The following SLC25A21 variants were observed in gnomAD, a reference collection of about 807,000 sequenced individuals.
The protein encoded by SLC25A21 is solute carrier family 25 member 21, also known as mitochondrial 2-oxodicarboxylate carrier.
Under a neutral mutation model 43.8 loss-of-function variants are expected in SLC25A21, and 47 were observed. The ratio of observed to expected loss-of-function variants is 1.07; its 90% confidence interval spans 0.85 to 1.37. SLC25A21 has a LOEUF of 1.37. Ranked by LOEUF, SLC25A21 falls within the 40% of genes most tolerant of loss-of-function variation. SLC25A21 has a pLI of 0.00. For missense variants in SLC25A21, 352 were observed against 350.2 expected (o/e 1.00, Z -0.04); for synonymous variants, 131 against 121.3 (o/e 1.08, Z -0.52).
At chr14:36,986,742 C>T (rs1186313886) in intron 1 of SLC25A21, among the ~76,000 whole-genome samples, 4 of 152,002 alleles carry the variant, frequency 2.6e-5, no homozygotes, top group African/African-American at 9.7e-5. Context: ...GTGGGGTGTT[C>T]ATTTTTTTTA....
chr14:36,740,382 T>G (rs1885205011), intron 3 of SLC25A21, among the ~76,000 whole-genome samples: 1 of 152,002 alleles, frequency 6.6e-6, no homozygotes, highest in Non-Finnish European at 1.5e-5. Context: ...GTACCAGGAC[T>G]CCAAAGCCAC....
chr14:36,966,102 C>G (rs1959609674), intron 1 of SLC25A21, among the ~76,000 whole-genome samples: 1 of 152,156 alleles, frequency 6.6e-6, no homozygotes, highest in South Asian at 2.1e-4. Context: ...AAGAAACACA[C>G]AGTGGAAATT....
chr14:37,095,323 GC>G (rs548277255), intron 1 of SLC25A21, among the ~76,000 whole-genome samples: 3 of 152,188 alleles, frequency 2.0e-5, no homozygotes, highest in Admixed American at 1.3e-4. Context: ...CTCGAGACCA[GC>G]CTGGCCAACA....
At chr14:36,912,538 G>C (rs1891717265) in intron 1 of SLC25A21, among the ~76,000 whole-genome samples, 1 of 152,174 alleles carries the variant, frequency 6.6e-6, no homozygotes, top group Admixed American at 6.5e-5. Context: ...TGAAGAGCTA[G>C]TCTCATTGGA....
intron 1 of SLC25A21, among the ~76,000 whole-genome samples, chr14:37,147,830 C>CT (rs922975985): frequency 7.4e-5 from 7 of 94,604 alleles, no homozygotes; most frequent in East Asian, 3.4e-4. Context: ...TTTCCTTTTT[C>CT]TTTTTTTTCT....
At chr14:37,171,788 C>G (rs552132919) in intron 1 of SLC25A21, 1 of 155,124 alleles carries the variant, frequency 6.4e-6, no homozygotes, top group Admixed American at 6.5e-5. Flanking sequence ...TTATTTAAGG[C>G]ACGAATATCC....
chr14:36,991,502 T>C (rs1037149639), intron 1 of SLC25A21, among the ~76,000 whole-genome samples: 4 of 152,166 alleles, frequency 2.6e-5, no homozygotes, highest in African/African-American at 4.8e-5. Flanking sequence ...AGAACCAGTA[T>C]CCTCTAGTAA....
At chr14:37,146,692 A>G (rs577870767) in intron 1 of SLC25A21, among the ~76,000 whole-genome samples, 1 of 152,304 alleles carries the variant, frequency 6.6e-6, no homozygotes, top group East Asian at 1.9e-4. Context: ...ATTTAACTAA[A>G]CATGTCAATG....
chr14:37,085,617 G>T (rs1218514625), intron 1 of SLC25A21, among the ~76,000 whole-genome samples: 2 of 152,106 alleles, frequency 1.3e-5, no homozygotes, highest in African/African-American at 2.4e-5. Context: ...TTGTCTAGGA[G>T]TTTGAAATTC....
At chr14:36,818,570 G>A (rs1888529033) in intron 2 of SLC25A21, among the ~76,000 whole-genome samples, 1 of 152,196 alleles carries the variant, frequency 6.6e-6, no homozygotes, top group Non-Finnish European at 1.5e-5. Context: ...GGCAAGAACA[G>A]TTGTCTCTTC....
chr14:37,018,299 C>A (rs1405084979), intron 1 of SLC25A21, among the ~76,000 whole-genome samples: 1 of 151,980 alleles, frequency 6.6e-6, no homozygotes, highest in East Asian at 1.9e-4. Flanking sequence ...TTTCCCTCAA[C>A]ACTGTTACCT....
At chr14:36,838,379 T>C (rs755171233) in intron 2 of SLC25A21, among the ~76,000 whole-genome samples, 1 of 152,174 alleles carries the variant, frequency 6.6e-6, no homozygotes, top group African/African-American at 2.4e-5. Flanking sequence ...CCTAGTCCTA[T>C]TGGGGTCTTT....
intron 1 of SLC25A21, among the ~76,000 whole-genome samples, chr14:37,071,317 T>A (rs1039628766): frequency 1.3e-5 from 2 of 151,872 alleles, no homozygotes; most frequent in Admixed American, 6.5e-5. Context: ...CAGATACTAT[T>A]TTTTAGAGAC....
chr14:36,805,299 T>TG (rs1337742224), intron 3 of SLC25A21, among the ~76,000 whole-genome samples: 2 of 152,108 alleles, frequency 1.3e-5, no homozygotes, highest in Non-Finnish European at 2.9e-5. Context: ...AGAGAGAGGC[T>TG]GGGGGAGTCG....
chr14:36,885,512 T>C (rs192563240), intron 1 of SLC25A21, among the ~76,000 whole-genome samples: 14 of 152,340 alleles, frequency 9.2e-5, no homozygotes, highest in Admixed American at 9.1e-4. Flanking sequence ...AACTGGAATT[T>C]TGATAGAGAG....
At chr14:36,730,972 GGTTT>G (rs1252197141) in intron 4 of SLC25A21, among the ~76,000 whole-genome samples, 12 of 149,154 alleles carry the variant, frequency 8.0e-5, no homozygotes, top group Non-Finnish European at 1.3e-4. Flanking sequence ...TATAATCTTA[GGTTT>G]TTTTTTTTTT....
intron 2 of SLC25A21, among the ~76,000 whole-genome samples, chr14:36,870,169 G>C (rs372956686): frequency 1.3e-5 from 2 of 152,148 alleles, no homozygotes; most frequent in East Asian, 3.9e-4. Context: ...AGGGGAAATG[G>C]GGACAGTGTG....
chr14:36,991,815 A>G (rs1025148193), intron 1 of SLC25A21, among the ~76,000 whole-genome samples: 6 of 152,144 alleles, frequency 3.9e-5, no homozygotes, highest in Non-Finnish European at 7.3e-5. Context: ...CAGGGCTGAT[A>G]CGCTGAGGTA....
intron 7 of SLC25A21, among the ~76,000 whole-genome samples, chr14:36,693,897 G>A (rs1397036273): frequency 6.6e-6 from 1 of 151,992 alleles, no homozygotes; most frequent in East Asian, 1.9e-4. Flanking sequence ...CCCCACAAAA[G>A]TTCCACCAAA....
Sources: gnomAD v4.1 joint callset for allele counts (sites outside exome capture counted in the v4.1 genomes callset) on GRCh38, gnomAD v4.1.1 for gene constraint, MANE v1.5 for transcripts, NCBI Gene and HGNC (gene_info 2026-07-23, HGNC 2026-07-21) for gene names.